ARFGEF3: variants seen among roughly 807,000 people sequenced by gnomAD.
ARFGEF3 encodes ARFGEF family member 3.
In ARFGEF3, 96 loss-of-function variants were observed where a neutral mutation model predicts 221.7. The ratio of observed to expected loss-of-function variants is 0.43; its 90% CI spans 0.37 to 0.51. The LOEUF is 0.51. ARFGEF3 is among the 20% of genes least tolerant of loss of function. The probability of loss-of-function intolerance (pLI) is 0.00; values close to 1 mark genes in which losing one functional copy is unlikely to be tolerated. For missense variants in ARFGEF3, 2,410 were observed against 2,789.9 expected (o/e 0.86, Z 3.07); for synonymous variants, 1,145 against 1,126.8 (o/e 1.02, Z -0.32).
chr6:138,283,391 G>C (rs1286974828), intron 14 of ARFGEF3, among the ~76,000 whole-genome samples: 1 of 152,226 alleles, frequency 6.6e-6, no homozygotes, highest in East Asian at 1.9e-4. Context: ...AGCCATCGCT[G>C]TTATTAATGG....
chr6:138,244,866 G>A (rs1158075282), intron 7 of ARFGEF3, among the ~76,000 whole-genome samples: 1 of 152,046 alleles, frequency 6.6e-6, no homozygotes, highest in Non-Finnish European at 1.5e-5. Context: ...ATAGACCACT[G>A]GCCTAAATAT....
intron 29 of ARFGEF3, among the ~76,000 whole-genome samples, chr6:138,322,197 CTGTT>C (rs1202992858): frequency 6.6e-6 from 1 of 152,206 alleles, no homozygotes; most frequent in Non-Finnish European, 1.5e-5. Context: ...GCCTGCCTGA[CTGTT>C]TGAGCTGGAA....
At chr6:138,241,298 C>A (rs1374888350) in intron 6 of ARFGEF3, among the ~76,000 whole-genome samples, 1 of 152,202 alleles carries the variant, frequency 6.6e-6, no homozygotes, top group Non-Finnish European at 1.5e-5. Context: ...ATCCATCACT[C>A]CTCTGTCTAC....
chr6:138,206,935 T>A, intron 2 of ARFGEF3, 107 bp from the exon 3 acceptor site: 1 of 733,992 alleles, frequency 1.4e-6, no homozygotes. Context: ...TTATAGTTTT[T>A]GTGTATGTGT....
chr6:138,306,055 C>T (rs1012701691), intron 22 of ARFGEF3, among the ~76,000 whole-genome samples: 5 of 152,078 alleles, frequency 3.3e-5, no homozygotes, highest in African/African-American at 1.2e-4. Flanking sequence ...TGTTTTAGTT[C>T]ACAGACAACA....
At chr6:138,206,545 TGAG>T (rs10571605) in intron 2 of ARFGEF3, among the ~76,000 whole-genome samples, 1,765 of 152,286 alleles carry the variant, frequency 0.012, 28 homozygotes, top group African/African-American at 0.04. Flanking sequence ...TTCTTTGAGT[TGAG>T]GAGGAATTGA....
chr6:138,238,371 T>A (rs1778333435), intron 5 of ARFGEF3, 138 bp from the exon 6 acceptor site: 5 of 723,540 alleles, frequency 6.9e-6, no homozygotes, highest in African/African-American at 5.4e-5. Context: ...TTTAGTTATA[T>A]TTAGTAATAA....
intron 2 of ARFGEF3, among the ~76,000 whole-genome samples, chr6:138,171,459 C>G (rs988216948): frequency 2.0e-5 from 3 of 152,194 alleles, no homozygotes; most frequent in Admixed American, 6.5e-5. Context: ...GCAACCCTGG[C>G]TGGACATCAT....
chr6:138,275,833 A>T lies in ARFGEF3; in HGVS notation c.2129-2618A>T, dbSNP rs541499983. ...TGTATCTCTCATTTTCATAGGGACAACATCACTGAATAAACATTCTAGCTG... is the reference window on the plus strand; with the variant it reads ...TGTATCTCTCATTTTCATAGGGACATCATCACTGAATAAACATTCTAGCTG... On this transcript the variant is annotated intron_variant, in intron 12 of 33. Transcript: ENST00000251691. Among the ~76,000 whole-genome samples, 28 of 152,314 alleles carry T rather than the reference A, an allele frequency of 1.8e-4. No homozygotes were observed. In the East Asian group the frequency reaches 4.8e-3, roughly 26 times the overall value.
chr6:138,287,279 T>A, intron 17 of ARFGEF3, 95 bp downstream of exon 17: 1 of 911,620 alleles, frequency 1.1e-6, no homozygotes, highest in Non-Finnish European at 1.7e-6. Flanking sequence ...CTCGTGCCTG[T>A]TCTGTGTGTG....
rs750131496 is a variant in ARFGEF3, at chr6:138,263,618, A to G, written c.2128+7A>G. 26 of 1,587,972 alleles carry G rather than the reference A, an allele frequency of 1.6e-5. No homozygotes were observed. The South Asian group carries it at 2.9e-4, about 18-fold the overall frequency. ...GCCTCTACTTTCTGCTCAGGTTTGT[A>G]AACAATTCTCTGCTGTATAGTCAAC... On this transcript the variant is annotated splice_region_variant and intron_variant, in intron 12 of 33. Coordinates refer to ENST00000251691, the MANE Select transcript of ARFGEF3 (RefSeq NM_020340.5).
In ARFGEF3 at chr6:138,289,983, C is replaced by T; in HGVS notation, c.3047+15C>T. On this transcript the variant is annotated intron_variant, in intron 18 of 33. Transcript: ENST00000251691. ...CACGTGTTCAGGTGCATGACGGGCT[C>T]CCACCCCCAGATGGCACTAACCCTG... 1 of 1,600,916 alleles carries T rather than the reference C, an allele frequency of 6.2e-7. No homozygotes were observed. The highest frequency in any genetic ancestry group is 8.5e-7 in the Non-Finnish European group (1 of 1,172,718).
chr6:138,176,181 A>AT (rs3044799), intron 2 of ARFGEF3, among the ~76,000 whole-genome samples: 109,232 of 136,928 alleles, frequency 0.8, 44,356 homozygotes, highest in Non-Finnish European at 0.89. Context: ...TGGTAGTTGG[A>AT]TTTTTTTTTT....
At chr6:138,302,476 A>G (rs1779644525) in intron 22 of ARFGEF3, among the ~76,000 whole-genome samples, 1 of 152,198 alleles carries the variant, frequency 6.6e-6, no homozygotes. Context: ...ATACCAACAT[A>G]CCTGTAATGG....
intron 5 of ARFGEF3, among the ~76,000 whole-genome samples, chr6:138,231,785 A>G (rs1214807547): frequency 2.0e-5 from 3 of 152,162 alleles, no homozygotes; most frequent in African/African-American, 7.2e-5. Flanking sequence ...AGGAAGTGGG[A>G]TGTGTACTTA....
rs530568676 is a variant in ARFGEF3, at chr6:138,185,265, A to G, written c.137+14552A>G. ...AGGAGCCAGCCAGGGAATGAAGCTG[A>G]CACATGGTGGATCTGAAGAAAGATA... On this transcript the variant is annotated intron_variant, in intron 2 of 33. Transcript: ENST00000251691. 3.3e-5 allele frequency among the ~76,000 whole-genome samples: 5 copies of G among 152,308 alleles called. No homozygotes were observed. The South Asian group carries it at 1.0e-3, about 32-fold the overall frequency.
intron 2 of ARFGEF3, among the ~76,000 whole-genome samples, chr6:138,204,679 A>C (rs963493114): frequency 6.6e-6 from 1 of 152,192 alleles, no homozygotes; most frequent in Admixed American, 6.5e-5. Flanking sequence ...TCTACATATT[A>C]TACTCCAACT....
chr6:138,263,348 C>T lies in ARFGEF3; in HGVS notation c.1865C>T (p.Ser622Leu). ...TACTCTATGGCAGCAGAAAAGGACT[C>T]GGGCAGGTCCGACGTGTCAGACATT... ...DQYSMAAEKD[S>L]GRSDVSDIGS... is the part of the protein sequence containing the mutation. The change falls in exon 12 of 34, where the codon TCG (serine) becomes TTG (leucine). Residue 622 changes from serine (S) to leucine (L), a missense_variant. By Grantham distance (145) the Ser-to-Leu change is moderately radical (BLOSUM62 -2). Transcript: ENST00000251691. 2 of 1,613,988 alleles carry T rather than the reference C, an allele frequency of 1.2e-6. No individual in the cohort carries two copies. The highest frequency in any genetic ancestry group is 2.2e-5 in the East Asian group (1 of 44,882).
intron 12 of ARFGEF3, among the ~76,000 whole-genome samples, chr6:138,270,973 C>A (rs1468293224): frequency 6.6e-6 from 1 of 152,074 alleles, no homozygotes; most frequent in African/African-American, 2.4e-5. Flanking sequence ...AGACTCCAAG[C>A]CAGGGTGGTC....
Sources: gnomAD v4.1 joint callset for allele counts (sites outside exome capture counted in the v4.1 genomes callset) on GRCh38, gnomAD v4.1.1 for gene constraint, MANE v1.5 for transcripts, NCBI Gene and HGNC (gene_info 2026-07-23, HGNC 2026-07-21) for gene names.